The following PARD3B variants were observed in gnomAD, a reference collection of about 807,000 sequenced individuals.
PARD3B encodes the protein partitioning defective 3 homolog B.
PARD3B carries 103 observed loss-of-function variants against 130.2 expected under a neutral mutation model. The observed-to-expected ratio is 0.79, with a 90% CI of 0.67 to 0.93. The LOEUF is 0.93. Ranked by LOEUF, PARD3B falls within the 40% of genes least tolerant of loss-of-function variation. PARD3B has a pLI of 0.00. For missense variants in PARD3B, 1,609 were observed against 1,499.2 expected (o/e 1.07, Z -1.21); for synonymous variants, 583 against 553.2 (o/e 1.05, Z -0.76).
At chr2:204,926,074 G>T (rs1687594277) in intron 2 of PARD3B, among the ~76,000 whole-genome samples, 3 of 152,120 alleles carry the variant, frequency 2.0e-5, no homozygotes, top group African/African-American at 7.2e-5. Flanking sequence ...TTATAAGAGT[G>T]TGAGAACGAA....
At chr2:204,665,930 G>C (rs1174203571) in intron 1 of PARD3B, among the ~76,000 whole-genome samples, 1 of 152,202 alleles carries the variant, frequency 6.6e-6, no homozygotes, top group Non-Finnish European at 1.5e-5. Flanking sequence ...AAGCTGTTCA[G>C]TAACTATTTA....
chr2:205,289,141 C>G (rs1212652693), intron 16 of PARD3B, among the ~76,000 whole-genome samples: 2 of 152,066 alleles, frequency 1.3e-5, no homozygotes, highest in African/African-American at 4.8e-5. Flanking sequence ...AAGAAATAAA[C>G]AAGTTTATTT....
intron 1 of PARD3B, among the ~76,000 whole-genome samples, chr2:204,555,939 C>G (rs1177735862): frequency 6.6e-6 from 1 of 152,156 alleles, no homozygotes; most frequent in African/African-American, 2.4e-5. Flanking sequence ...TGATTTACTT[C>G]TATCTACAGA....
intron 1 of PARD3B, among the ~76,000 whole-genome samples, chr2:204,566,352 T>G (rs1279345316): frequency 6.6e-6 from 1 of 152,248 alleles, no homozygotes; most frequent in Non-Finnish European, 1.5e-5. Flanking sequence ...CATTAGGAAA[T>G]GGCACTGCCA....
chr2:204,780,859 A>T (rs1416085153), intron 2 of PARD3B, among the ~76,000 whole-genome samples: 1 of 152,064 alleles, frequency 6.6e-6, no homozygotes, highest in African/African-American at 2.4e-5. Flanking sequence ...CAATTCTGAG[A>T]AGTTCCATCT....
intron 2 of PARD3B, among the ~76,000 whole-genome samples, chr2:204,734,287 G>A (rs186098695): frequency 7.2e-5 from 11 of 152,248 alleles, no homozygotes; most frequent in Non-Finnish European, 1.3e-4. Flanking sequence ...AAAGGGCAAA[G>A]CAGCTTGAAC....
chr2:205,283,713 T>C (rs945067182), intron 16 of PARD3B, among the ~76,000 whole-genome samples: 8 of 152,194 alleles, frequency 5.3e-5, no homozygotes, highest in Non-Finnish European at 7.4e-5. Flanking sequence ...AAAATACTTA[T>C]AGCAAAATAT....
At chr2:205,110,567 C>G (rs1703555856) in intron 5 of PARD3B, among the ~76,000 whole-genome samples, 1 of 151,118 alleles carries the variant, frequency 6.6e-6, no homozygotes, top group Admixed American at 6.6e-5. Flanking sequence ...TAAAATTTTC[C>G]CACTTTTCTT....
intron 15 of PARD3B, among the ~76,000 whole-genome samples, chr2:205,204,782 G>A (rs1428705194): frequency 6.6e-6 from 1 of 152,070 alleles, no homozygotes; most frequent in Admixed American, 6.6e-5. Context: ...TATTTCTGAG[G>A]TCTCTATTCT....
chr2:204,583,622 T>TAAA (rs1183973275), intron 1 of PARD3B, among the ~76,000 whole-genome samples: 22 of 70,684 alleles, frequency 3.1e-4, no homozygotes, highest in African/African-American at 4.6e-4. Flanking sequence ...ACTTAAAGTA[T>TAAA]AAAAAAAAAA....
At chr2:205,150,774 G>T (rs769402057) in intron 10 of PARD3B, among the ~76,000 whole-genome samples, 2 of 152,128 alleles carry the variant, frequency 1.3e-5, no homozygotes, top group Non-Finnish European at 2.9e-5. Context: ...TGAGACACAA[G>T]GATACAGTAT....
At chr2:204,696,670 G>A (rs2037625518) in intron 2 of PARD3B, among the ~76,000 whole-genome samples, 1 of 152,074 alleles carries the variant, frequency 6.6e-6, no homozygotes, top group Non-Finnish European at 1.5e-5. Context: ...GCGTTTGAAA[G>A]TCCTATAAGT....
chr2:204,547,042 A>C (rs1422277625), intron 1 of PARD3B, among the ~76,000 whole-genome samples: 1 of 152,220 alleles, frequency 6.6e-6, no homozygotes, highest in Non-Finnish European at 1.5e-5. Context: ...AAACAGGGCA[A>C]GTCACAAATT....
rs1371648796 is a variant in PARD3B at position 205,102,756 on chromosome 2, T to C, written c.505-1670T>C. Among the ~76,000 whole-genome samples, 4 of 152,282 alleles carry C rather than the reference T, an allele frequency of 2.6e-5. 1 individual carries two copies. The highest frequency in any genetic ancestry group is 9.6e-5 in the African/African-American group (4 of 41,564). On this transcript the variant is annotated intron_variant, in intron 4 of 22. Coordinates refer to ENST00000406610, the MANE Select transcript of PARD3B (RefSeq NM_001302769.2). ...CAACAAAGTGCTTCTGTTGCAGTTA[T>C]GTCTTACTTTCTTTAAAATAATAAC... is the stretch of plus-strand genomic sequence containing the variant.
chr2:205,614,435 G>T (rs1224523467), intron 22 of PARD3B, among the ~76,000 whole-genome samples: 1 of 152,162 alleles, frequency 6.6e-6, no homozygotes, highest in Non-Finnish European at 1.5e-5. Flanking sequence ...TGGGTGCAGT[G>T]GCTCACGCCT....
At chr2:205,223,696 A>G (rs1027375852) in intron 15 of PARD3B, among the ~76,000 whole-genome samples, 3 of 152,240 alleles carry the variant, frequency 2.0e-5, no homozygotes, top group Admixed American at 2.0e-4. Context: ...ATCCTTATGT[A>G]GGAAAGAAGT....
intron 19 of PARD3B, among the ~76,000 whole-genome samples, chr2:205,436,404 T>A (rs1238278942): frequency 6.6e-6 from 1 of 152,064 alleles, no homozygotes; most frequent in Non-Finnish European, 1.5e-5. Flanking sequence ...TGTTTGAGAG[T>A]GTTTTTCTTT....
At chr2:205,059,841 C>T (rs1329775372) in intron 4 of PARD3B, among the ~76,000 whole-genome samples, 1 of 152,040 alleles carries the variant, frequency 6.6e-6, no homozygotes, top group Non-Finnish European at 1.5e-5. Context: ...GTAATACTAC[C>T]CAGCACACCT....
Position 205,105,745 on chromosome 2 carries a change from T to A in PARD3B, c.593+1231T>A, listed in dbSNP as rs1703156934. ...TTGAGTGCAGGAGTTCGAGTCCATC[T>A]TGCAACATAGGGAGACCCTCTCTCT... On this transcript the variant is annotated intron_variant, in intron 5 of 22. Coordinates refer to ENST00000406610, the MANE Select transcript of PARD3B (RefSeq NM_001302769.2). This position sits in a 1 kb window ranked among gnomAD's most constrained non-coding sequence, Gnocchi z 4.0. 6.6e-6 allele frequency among the ~76,000 whole-genome samples: 1 copy of A among 151,760 alleles called. No individual in the cohort carries two copies. The highest frequency in any genetic ancestry group is 1.5e-5 in the Non-Finnish European group (1 of 67,926).
Sources: gnomAD v4.1 joint callset for allele counts (sites outside exome capture counted in the v4.1 genomes callset) on GRCh38, gnomAD v4.1.1 for gene constraint, Gnocchi (gnomAD v3.1) non-coding constraint, MANE v1.5 for transcripts, NCBI Gene and HGNC (gene_info 2026-07-23, HGNC 2026-07-21) for gene names.